Variants in SEMA3D observed in about 807,000 individuals in gnomAD.
The protein encoded by SEMA3D is semaphorin-3D.
A neutral mutation model predicts 100.1 loss-of-function variants in SEMA3D; 84 were observed. That is an observed-to-expected ratio of 0.84 (90% CI 0.70 to 1.01). SEMA3D has a LOEUF of 1.01. Among genes scored for constraint, SEMA3D ranks in the 50% least tolerant of loss-of-function variants. SEMA3D has a pLI of 0.00. For synonymous variants in SEMA3D, 312 were observed against 320.7 expected, an observed-to-expected ratio of 0.97 and a Z score of 0.29; for missense variants, 875 against 934.1, an observed-to-expected ratio of 0.94 and a Z score of 0.82.
At chr7:85,156,332 A>T (rs1790596244) in intron 1 of SEMA3D, among the ~76,000 whole-genome samples, 1 of 151,638 alleles carries the variant, frequency 6.6e-6, no homozygotes, top group Admixed American at 6.6e-5. Flanking sequence ...CTATCTCCTG[A>T]ACTCATGATC....
At chr7:85,083,043 A>G (rs964412821) in intron 4 of SEMA3D, among the ~76,000 whole-genome samples, 4 of 152,248 alleles carry the variant, frequency 2.6e-5, no homozygotes, top group Non-Finnish European at 5.9e-5. Context: ...GAAAAGCAAT[A>G]TGAATGGAAA....
intron 3 of SEMA3D, among the ~76,000 whole-genome samples, chr7:85,107,654 GA>G (rs1286543415): frequency 6.6e-6 from 1 of 151,836 alleles, no homozygotes; most frequent in Non-Finnish European, 1.5e-5. Context: ...TGACTTCAAT[GA>G]AATGATCTAA....
At chr7:85,159,359 T>A (rs544551234) in intron 1 of SEMA3D, among the ~76,000 whole-genome samples, 2 of 152,178 alleles carry the variant, frequency 1.3e-5, no homozygotes, top group Non-Finnish European at 2.9e-5. Context: ...AGTCATTGAC[T>A]TTAAAATTGG....
chr7:85,243,423 GT>G, the SEMA3D span, among the ~76,000 whole-genome samples: 536 of 152,200 alleles, frequency 3.5e-3, 1 homozygote, highest in African/African-American at 0.012. Flanking sequence ...TCCGGTACTG[GT>G]TTTTCTACCC....
chr7:85,139,374 T>G (rs1789976016), intron 2 of SEMA3D, among the ~76,000 whole-genome samples: 1 of 152,116 alleles, frequency 6.6e-6, no homozygotes, highest in Non-Finnish European at 1.5e-5. Context: ...AGTTATGCAA[T>G]GTAGCAAAAA....
chr7:85,195,810 T>C, the SEMA3D span, among the ~76,000 whole-genome samples: 1 of 152,108 alleles, frequency 6.6e-6, no homozygotes, highest in Non-Finnish European at 1.5e-5. Context: ...TTTGGGAAAA[T>C]ACTAACCCTT....
chr7:85,003,729 C>G (rs1789717747), intron 18 of SEMA3D, among the ~76,000 whole-genome samples: 1 of 151,868 alleles, frequency 6.6e-6, no homozygotes, highest in African/African-American at 2.4e-5. Flanking sequence ...CCAAATACAA[C>G]CGAAGCCAAC....
At chr7:85,063,071 A>C (rs1791520416) in intron 8 of SEMA3D, among the ~76,000 whole-genome samples, 1 of 152,156 alleles carries the variant, frequency 6.6e-6, no homozygotes. Context: ...CAGCTCTTAA[A>C]ATTGTCTTCT....
intron 4 of SEMA3D, among the ~76,000 whole-genome samples, chr7:85,096,621 C>T (rs1363880889): frequency 2.0e-5 from 3 of 151,624 alleles, no homozygotes; most frequent in Non-Finnish European, 4.4e-5. Context: ...CTTTGGTAGG[C>T]CTTAAAAATG....
chr7:85,167,310 G>C (rs1418265878), intron 1 of SEMA3D: 1 of 984,510 alleles, frequency 1.0e-6, no homozygotes, highest in African/African-American at 1.7e-5. Flanking sequence ...GAAATATGCA[G>C]AACAGTCAAG....
chr7:85,130,987 T>A (rs1040859488), intron 2 of SEMA3D, among the ~76,000 whole-genome samples: 9 of 152,126 alleles, frequency 5.9e-5, no homozygotes, highest in Non-Finnish European at 1.2e-4. Flanking sequence ...GGGTATCTGA[T>A]TCCTTCGTTG....
At chr7:85,059,001 A>G (rs1375685016) in intron 8 of SEMA3D, among the ~76,000 whole-genome samples, 2 of 152,192 alleles carry the variant, frequency 1.3e-5, no homozygotes, top group Admixed American at 1.3e-4. Context: ...ACATGGCTAA[A>G]GAGAATGCAT....
chr7:85,120,152 T>A (rs1215377966), intron 3 of SEMA3D, among the ~76,000 whole-genome samples: 2 of 152,112 alleles, frequency 1.3e-5, no homozygotes, highest in Non-Finnish European at 2.9e-5. Context: ...AAATAGTTGC[T>A]TCATGTAGTT....
chr7:85,147,087 CTTTTCTTTTTTTTTTTTT>C (rs1790231658), intron 2 of SEMA3D, among the ~76,000 whole-genome samples: 2 of 55,762 alleles, frequency 3.6e-5, no homozygotes, highest in African/African-American at 1.8e-4. Context: ...TTTTCTTTTT[CTTTTCTTTTTTTTTTTTT>C]TTTTTTTTTT....
intron 1 of SEMA3D, among the ~76,000 whole-genome samples, chr7:85,186,347 A>G (rs1240009420): frequency 1.3e-5 from 2 of 152,066 alleles, no homozygotes; most frequent in Non-Finnish European, 2.9e-5. Context: ...GGAGAGAGCA[A>G]AGTTCCTGGA....
the SEMA3D span, among the ~76,000 whole-genome samples, chr7:85,216,530 C>T: frequency 6.6e-6 from 1 of 151,812 alleles, no homozygotes; most frequent in African/African-American, 2.4e-5. Context: ...CAAGGAAATT[C>T]TGAAATTAAA....
At chr7:85,204,324 T>C in the SEMA3D span, among the ~76,000 whole-genome samples, 2 of 144,304 alleles carry the variant, frequency 1.4e-5, no homozygotes, top group Admixed American at 1.4e-4. Flanking sequence ...CCTTTTAAAC[T>C]GCAGCTATTG....
intron 2 of SEMA3D, among the ~76,000 whole-genome samples, chr7:85,133,919 C>A (rs1265774750): frequency 1.3e-5 from 2 of 151,878 alleles, no homozygotes; most frequent in Middle Eastern, 3.2e-3. Context: ...CAAGTATTTT[C>A]TAAAGATAGT....
chr7:85,056,283 TA>T (rs1791316530), intron 8 of SEMA3D, among the ~76,000 whole-genome samples: 1 of 152,028 alleles, frequency 6.6e-6, no homozygotes, highest in Admixed American at 6.5e-5. Context: ...GTAATTGCCC[TA>T]GGGGTATAAA....
Sources: allele counts gnomAD v4.1 joint callset (sites outside exome capture counted in the v4.1 genomes callset), GRCh38; gene constraint gnomAD v4.1.1; transcripts MANE v1.5; gene names NCBI Gene and HGNC (gene_info 2026-07-23, HGNC 2026-07-21).